The following CEP70 variants were observed in gnomAD, a reference collection of about 807,000 sequenced individuals.
CEP70 encodes centrosomal protein of 70 kDa.
In CEP70, 70 loss-of-function variants were observed where a neutral mutation model predicts 90.9. The ratio of observed to expected loss-of-function variants is 0.77; its 90% confidence interval spans 0.64 to 0.94. The LOEUF (loss-of-function observed/expected upper bound fraction) is 0.94. CEP70 is among the 40% of genes least tolerant of loss of function. The probability of loss-of-function intolerance (pLI) is 0.00; values close to 1 mark genes in which losing one functional copy is unlikely to be tolerated. For missense variants in CEP70, 648 were observed against 669.0 expected (o/e 0.97, Z 0.35); for synonymous variants, 220 against 228.3 (o/e 0.96, Z 0.33).
chr3:138,527,551 G>A (rs867735521), intron 10 of CEP70, among the ~76,000 whole-genome samples: 3 of 151,650 alleles, frequency 2.0e-5, no homozygotes, highest in Admixed American at 6.6e-5. Flanking sequence ...AAAATTAGCC[G>A]GGCGTGGTGA....
rs1301305928 is a variant in CEP70, at chr3:138,500,837, A to G, written c.1266T>C (p.Pro422=). Reference sequence around the variant, plus strand: ...CATCCTGCTTCTTCAAATTAAGCCAAGGTACCAGTTCTGCAGATAGTGTTT... The same window carrying G: ...CATCCTGCTTCTTCAAATTAAGCCAGGGTACCAGTTCTGCAGATAGTGTTT... ...SLKTLSAELV[P]WLNLKKQDEN... The change falls in exon 14 of 18, where the codon CCT becomes CCC. Residue 422 remains proline (P), a synonymous_variant. Transcript: ENST00000264982. 4.4e-6 allele frequency: 7 copies of G among 1,605,298 alleles called. No homozygotes were observed. The Admixed American group carries it at 1.2e-4, about 27-fold the overall frequency.
chr3:138,508,601 A>G lies in CEP70; in HGVS notation c.945-57T>C, dbSNP rs952092203. 1.6e-5 allele frequency: 18 copies of G among 1,094,050 alleles called. No homozygotes were observed. In the Admixed American group the frequency reaches 2.2e-4, roughly 13 times the overall value. 67.8% of individuals were successfully genotyped at this position (1,094,050 alleles called of 1,614,324 possible). A position where few individuals can be genotyped will look rare whatever the true frequency, so the allele number is the denominator to read the frequency against. On this transcript the variant is annotated intron_variant, in intron 11 of 17. Transcript: ENST00000264982. ...AAATTACTTCCTAGACACTGGACCAAGATGATAAACTAAGTCAATGATCCA... is the reference window on the plus strand; with the variant it reads ...AAATTACTTCCTAGACACTGGACCAGGATGATAAACTAAGTCAATGATCCA...
At chr3:138,575,646 G>C (rs1005082309) in intron 2 of CEP70, among the ~76,000 whole-genome samples, 1 of 152,118 alleles carries the variant, frequency 6.6e-6, no homozygotes, top group Non-Finnish European at 1.5e-5. Context: ...GGACACATAA[G>C]TGTCAGATTC....
intron 6 of CEP70, among the ~76,000 whole-genome samples, chr3:138,566,821 A>T (rs1484316104): frequency 1.3e-5 from 2 of 151,850 alleles, no homozygotes; most frequent in East Asian, 3.9e-4. Flanking sequence ...ATATATATAA[A>T]AAAAAAACTT....
At chr3:138,583,352 A>G (rs1049028714) in intron 2 of CEP70, among the ~76,000 whole-genome samples, 1 of 152,254 alleles carries the variant, frequency 6.6e-6, no homozygotes, top group Non-Finnish European at 1.5e-5. Flanking sequence ...TCTCAATTCA[A>G]TAATAGTTGA....
chr3:138,508,403 C>T (rs1165451677), intron 12 of CEP70, 36 bp downstream of exon 12: 1 of 1,286,210 alleles, frequency 7.8e-7, no homozygotes. Context: ...TCATGACAAA[C>T]ATCAGTCTTT....
At position 138,571,083 on chromosome 3, in the gene CEP70, A is replaced by C. The variant is rs1387075463; in HGVS notation, c.235T>G (p.Cys79Gly). 3.1e-6 allele frequency: 5 copies of C among 1,608,020 alleles called. No individual in the cohort carries two copies. Among genetic ancestry groups the C allele is most frequent in the Non-Finnish European group, 4.3e-6 (5 of 1,176,144 alleles). Residue 79 changes from cysteine to glycine, a missense_variant, in exon 5 of 18, where the codon TGT (cysteine) becomes GGT (glycine). Physicochemically the swap from Cys to Gly is radical, Grantham distance 159. Transcript: ENST00000264982. ...AGCTCCTGTATCATGTTCTGTTGACATGATGTTTCTTCCACCAACAATTTC... is the reference window on the plus strand; with the variant it reads ...AGCTCCTGTATCATGTTCTGTTGACCTGATGTTTCTTCCACCAACAATTTC... ...NLKLLVEETS[C>G]QQNMIQELIE...
At position 138,591,895 on chromosome 3, in the gene CEP70, T is replaced by C. The variant is rs969425008; in HGVS notation, c.-47A>G. ...TACTCTTGCACTTTACACCTGGTCA[T>C]TCAGGTTGATCTCAATGAAATGATC... On this transcript the variant is annotated 5_prime_UTR_variant, in exon 2 of 18. An upstream start codon of the reference 5' UTR is lost. Transcript: ENST00000264982. The C allele has an allele frequency of 4.7e-6, 7 of 1,492,498 alleles. No individual in the cohort carries two copies. The highest frequency in any genetic ancestry group is 6.2e-6 in the Non-Finnish European group (7 of 1,121,992). The allele number at this position is 1,492,498 out of a possible 1,614,324, so 92.5% of individuals were successfully genotyped here. A position where few individuals can be genotyped will look rare whatever the true frequency, so the allele number is the denominator to read the frequency against.
intron 17 of CEP70, chr3:138,497,752 C>T: frequency 1.0e-6 from 1 of 985,362 alleles, no homozygotes; most frequent in Non-Finnish European, 1.2e-6. Context: ...TAGACAATGA[C>T]AGAGCCAGGG....
intron 7 of CEP70, among the ~76,000 whole-genome samples, chr3:138,533,842 T>G (rs1034513042): frequency 1.5e-4 from 23 of 152,198 alleles, no homozygotes; most frequent in African/African-American, 5.5e-4. Flanking sequence ...TGGAGTGCAG[T>G]GGCGTCATCC....
chr3:138,527,388 C>T (rs2107734031), intron 10 of CEP70, among the ~76,000 whole-genome samples: 1 of 151,494 alleles, frequency 6.6e-6, no homozygotes, highest in South Asian at 2.1e-4. Context: ...CTTGCGCAGG[C>T]CTGGCTAATT....
chr3:138,559,217 A>C (rs1438439271), intron 6 of CEP70, among the ~76,000 whole-genome samples: 1 of 152,208 alleles, frequency 6.6e-6, no homozygotes, highest in Non-Finnish European at 1.5e-5. Context: ...ATAAAGAATA[A>C]ACATGAAAGA....
chr3:138,500,542 G>A lies in CEP70; in HGVS notation c.1394C>T (p.Thr465Ile). The A allele has an allele frequency of 6.2e-7, 1 of 1,608,448 alleles. No homozygotes were observed. Among genetic ancestry groups the A allele is most frequent in the African/African-American group, 1.3e-5 (1 of 74,680 alleles). ...GAAGTGAGAAACAATAGCTTGCAAAGTTTGAAAGTGTGGCATATTGCTGTC... is the reference window on the plus strand; with the variant it reads ...GAAGTGAGAAACAATAGCTTGCAAAATTTGAAAGTGTGGCATATTGCTGTC... The part of the protein sequence containing the change: ...EKDSNMPHFQ[T>I]LQAIVSHFQK... Residue 465 changes from threonine (T) to isoleucine (I), a missense_variant, in exon 15 of 18, where the codon ACT becomes ATT. Physicochemically the swap from Thr to Ile is moderately conservative, Grantham distance 89 (BLOSUM62 -1). Coordinates refer to ENST00000264982, the MANE Select transcript of CEP70 (RefSeq NM_024491.4).
intron 6 of CEP70, among the ~76,000 whole-genome samples, chr3:138,543,516 C>T (rs1205149679): frequency 6.6e-6 from 1 of 152,180 alleles, no homozygotes; most frequent in Non-Finnish European, 1.5e-5. Flanking sequence ...CTTTCCAGGC[C>T]CATAAGAGCG....
intron 6 of CEP70, among the ~76,000 whole-genome samples, chr3:138,543,778 TG>T (rs2038951333): frequency 6.6e-6 from 1 of 152,118 alleles, no homozygotes; most frequent in Admixed American, 6.5e-5. Flanking sequence ...CAATCCAACC[TG>T]GGTGACAGAG....
intron 6 of CEP70, among the ~76,000 whole-genome samples, chr3:138,548,056 G>A (rs565987511): frequency 6.6e-6 from 1 of 152,138 alleles, no homozygotes; most frequent in African/African-American, 2.4e-5. Context: ...ACCAAAGCCA[G>A]AGATACTACA....
intron 6 of CEP70, among the ~76,000 whole-genome samples, chr3:138,552,989 G>A (rs1241221064): frequency 6.6e-6 from 1 of 152,128 alleles, no homozygotes; most frequent in Non-Finnish European, 1.5e-5. Context: ...AATGAAGCGG[G>A]AGATATTACA....
chr3:138,496,416 G>A (rs1227770583), intron 17 of CEP70: 1 of 985,252 alleles, frequency 1.0e-6, no homozygotes, highest in Non-Finnish European at 1.2e-6. Context: ...CTACAACAGA[G>A]AATTTGTTTA....
Position 138,500,830 on chromosome 3 carries a change from T to G in CEP70, c.1273A>C (p.Asn425His), listed in dbSNP as rs1467083232. 1.2e-6 allele frequency: 2 copies of G among 1,606,288 alleles called. No homozygotes were observed. The highest frequency in any genetic ancestry group is 3.4e-5 in the Admixed American group (2 of 59,210). The change falls in exon 14 of 18, where the codon AAT becomes CAT. Residue 425 changes from asparagine to histidine, a missense_variant. Coordinates refer to ENST00000264982, the MANE Select transcript of CEP70 (RefSeq NM_024491.4). ...TLSAELVPWL[N>H]LKKQDENEGI... ...TCATTTTCATCCTGCTTCTTCAAAT[T>G]AAGCCAAGGTACCAGTTCTGCAGAT...
Sources: allele counts gnomAD v4.1 joint callset (sites outside exome capture counted in the v4.1 genomes callset), GRCh38; gene constraint gnomAD v4.1.1; transcripts MANE v1.5; gene names NCBI Gene and HGNC (gene_info 2026-07-23, HGNC 2026-07-21).